Variants in PPP1R9A observed in about 807,000 individuals in gnomAD.
PPP1R9A encodes the protein protein phosphatase 1 regulatory subunit 9A, also known as neurabin-1.
In PPP1R9A, 59 loss-of-function variants were observed where a neutral mutation model predicts 141.9. The observed-to-expected ratio is 0.42, with a 90% CI of 0.34 to 0.52. PPP1R9A has a LOEUF of 0.52. PPP1R9A is among the 20% of genes least tolerant of loss of function. The pLI is 0.10. For missense variants in PPP1R9A, 1,444 were observed against 1,611.9 expected (o/e 0.90, Z 1.78); for synonymous variants, 500 against 569.7 (o/e 0.88, Z 1.74).
chr7:95,279,688 A>C (rs1803811093), intron 16 of PPP1R9A, among the ~76,000 whole-genome samples: 1 of 152,202 alleles, frequency 6.6e-6, no homozygotes, highest in African/African-American at 2.4e-5. Flanking sequence ...TAGTTATCAA[A>C]GTGCTTAATA....
At chr7:95,213,798 C>T (rs538309068) in intron 7 of PPP1R9A, among the ~76,000 whole-genome samples, 1 of 152,190 alleles carries the variant, frequency 6.6e-6, no homozygotes, top group Admixed American at 6.6e-5. Flanking sequence ...CTCAGCTGAA[C>T]TCTATTCTTT....
intron 5 of PPP1R9A, among the ~76,000 whole-genome samples, chr7:95,185,112 T>G (rs916566621): frequency 1.3e-5 from 2 of 152,058 alleles, no homozygotes; most frequent in Non-Finnish European, 1.5e-5. Flanking sequence ...TACTCCATAC[T>G]GTTTTCCATT....
At chr7:94,964,542 G>A (rs1797994927) in intron 2 of PPP1R9A, among the ~76,000 whole-genome samples, 1 of 152,002 alleles carries the variant, frequency 6.6e-6, no homozygotes, top group Admixed American at 6.6e-5. Flanking sequence ...GTGTCCATGT[G>A]ATCTCATTGT....
intron 2 of PPP1R9A, among the ~76,000 whole-genome samples, chr7:95,041,555 T>A (rs1454719251): frequency 6.6e-6 from 1 of 152,132 alleles, no homozygotes; most frequent in Non-Finnish European, 1.5e-5. Context: ...TAAATACTAT[T>A]TGTATTTATC....
At chr7:95,049,724 C>T (rs1019885540) in intron 2 of PPP1R9A, among the ~76,000 whole-genome samples, 2 of 152,144 alleles carry the variant, frequency 1.3e-5, no homozygotes, top group Non-Finnish European at 2.9e-5. Context: ...TTTTTACTGT[C>T]TCCCTACATT....
intron 12 of PPP1R9A, among the ~76,000 whole-genome samples, chr7:95,266,488 G>A (rs912755286): frequency 6.6e-6 from 1 of 151,954 alleles, no homozygotes; most frequent in African/African-American, 2.4e-5. Context: ...GCAATGGGAG[G>A]TTTATCAACA....
chr7:95,192,041 G>T lies in PPP1R9A; in HGVS notation c.1755-6308G>T, dbSNP rs1835584832. Among the ~76,000 whole-genome samples, 3 of 152,016 alleles carry T rather than the reference G, an allele frequency of 2.0e-5. No homozygotes were observed. The South Asian group carries it at 6.2e-4, about 32-fold the overall frequency. ...AAGGTTTTAAAAATTCAATTAAAGT[G>T]ATTATATAGATTTATACTTTAATAT... On this transcript the variant is annotated intron_variant, in intron 5 of 19. Coordinates refer to ENST00000433360, the MANE Select transcript of PPP1R9A (RefSeq NM_001166160.2).
chr7:94,990,403 A>T (rs1263444584), intron 2 of PPP1R9A, among the ~76,000 whole-genome samples: 1 of 152,096 alleles, frequency 6.6e-6, no homozygotes, highest in Non-Finnish European at 1.5e-5. Context: ...GCTAAATCGG[A>T]GTTGTTCACC....
rs1814260040 is a variant in PPP1R9A at position 95,073,226 on chromosome 7, T to G, written c.1396-38033T>G. On this transcript the variant is annotated intron_variant, in intron 2 of 19. Transcript: ENST00000433360. ...GTCTCAAACTCCTGACCGCAGGTGA[T>G]CCACCTGCCTCGGTCTCTCAAAGTG... Among the ~76,000 whole-genome samples, 3 of 151,860 alleles carry G rather than the reference T, an allele frequency of 2.0e-5. No individual in the cohort carries two copies. The South Asian group carries it at 6.2e-4, about 32-fold the overall frequency.
In PPP1R9A at chr7:95,268,627, A is replaced by G. The variant is rs1210529630; in HGVS notation, c.2743A>G (p.Asn915Asp). Residue 915 changes from asparagine (N) to aspartate (D), a missense_variant, in exon 13 of 20, where the codon AAC becomes GAC. Transcript: ENST00000433360. The stretch of plus-strand genomic sequence containing the variant: ...AACTCGAGCCCAGCTCTCTGTGAAG[A>G]ACAGACGCCAGAGACCCTCTAGGAC... ...LKTRAQLSVK[N>D]RRQRPSRTRL... The G allele has an allele frequency of 2.5e-6, 4 of 1,613,540 alleles. No homozygotes were observed. Among genetic ancestry groups the G allele is most frequent in the Non-Finnish European group, 3.4e-6 (4 of 1,179,612 alleles).
intron 16 of PPP1R9A, among the ~76,000 whole-genome samples, chr7:95,279,669 G>A (rs1399418129): frequency 2.1e-5 from 3 of 141,682 alleles, no homozygotes; most frequent in South Asian, 2.1e-4. Flanking sequence ...GACTCTAAAC[G>A]TCCCAATATA....
At chr7:95,226,703 C>G (rs1795191705) in intron 8 of PPP1R9A, among the ~76,000 whole-genome samples, 1 of 152,082 alleles carries the variant, frequency 6.6e-6, no homozygotes, top group Admixed American at 6.6e-5. Flanking sequence ...AAGAATACAC[C>G]CTGACTCTGC....
chr7:95,082,766 C>CTTTTTTTTT (rs1159814204), intron 2 of PPP1R9A, among the ~76,000 whole-genome samples: 1 of 109,518 alleles, frequency 9.1e-6, no homozygotes, highest in Non-Finnish European at 1.7e-5. Flanking sequence ...GAAGGGATTT[C>CTTTTTTTTT]TTTTTTTTTT....
chr7:95,041,799 C>G (rs1206416965), intron 2 of PPP1R9A, among the ~76,000 whole-genome samples: 4 of 151,882 alleles, frequency 2.6e-5, no homozygotes, highest in Non-Finnish European at 5.9e-5. Context: ...CATTATTTTA[C>G]TTATTATTAT....
rs187633567 is a variant in PPP1R9A, at chr7:94,956,813, T to C, written c.1395+45305T>C. 1.6e-3 allele frequency among the ~76,000 whole-genome samples: 241 copies of C among 152,250 alleles called. 1 individual carries two copies. Among genetic ancestry groups the C allele is most frequent in the Middle Eastern group, 6.8e-3 (2 of 294 alleles). ...TGGCTCAGTGCCTACCCATAGTGCA[T>C]AGTCAGTCTTCCATTAATGTTTTGA... On this transcript the variant is annotated intron_variant, in intron 2 of 19. Transcript: ENST00000433360.
intron 2 of PPP1R9A, among the ~76,000 whole-genome samples, chr7:95,101,407 G>T (rs993955655): frequency 2.0e-5 from 3 of 152,138 alleles, no homozygotes; most frequent in Admixed American, 2.0e-4. Flanking sequence ...TCCATGTTAG[G>T]TCAAAGGGAA....
intron 5 of PPP1R9A, among the ~76,000 whole-genome samples, chr7:95,190,188 T>C (rs1835290196): frequency 3.3e-5 from 5 of 152,214 alleles, no homozygotes; most frequent in Admixed American, 3.3e-4. Flanking sequence ...CAAGGGCTGC[T>C]GTTCAGATTC....
At chr7:95,118,656 C>A (rs1403157574) in intron 3 of PPP1R9A, among the ~76,000 whole-genome samples, 1 of 151,912 alleles carries the variant, frequency 6.6e-6, no homozygotes, top group African/African-American at 2.4e-5. Flanking sequence ...ATGAGATAAA[C>A]CTTCATCCGA....
Position 95,033,153 on chromosome 7 carries a change from C to T in PPP1R9A, c.1396-78106C>T, listed in dbSNP as rs534129137. On this transcript the variant is annotated intron_variant, in intron 2 of 19. Coordinates refer to ENST00000433360, the MANE Select transcript of PPP1R9A (RefSeq NM_001166160.2). ...CCGAGTAGCTGGAACTACAGGCACCCGCCACCATGCCTGGCTAATTTTTTT... is the reference window on the plus strand; with the variant it reads ...CCGAGTAGCTGGAACTACAGGCACCTGCCACCATGCCTGGCTAATTTTTTT... Among the ~76,000 whole-genome samples, 192 of 149,658 alleles carry T rather than the reference C, an allele frequency of 1.3e-3. 2 individuals carry two copies. Among genetic ancestry groups the T allele is most frequent in the African/African-American group, 4.1e-3 (166 of 40,866 alleles).
Sources: gnomAD v4.1 joint callset for allele counts (sites outside exome capture counted in the v4.1 genomes callset) on GRCh38, gnomAD v4.1.1 for gene constraint, MANE v1.5 for transcripts, NCBI Gene and HGNC (gene_info 2026-07-23, HGNC 2026-07-21) for gene names.